Variants in CP observed in about 807,000 individuals in gnomAD.
CP encodes caeruloplasmin.
In CP, 64 loss-of-function variants were observed where a neutral mutation model predicts 122.4. The observed-to-expected ratio is 0.52, with a 90% CI of 0.43 to 0.64. CP has a LOEUF of 0.64. Among genes scored for constraint, CP ranks in the 30% least tolerant of loss-of-function variants. The pLI, the probability that CP is intolerant of heterozygous loss-of-function variation, is 0.00. For missense variants in CP, 1,167 were observed against 1,284.4 expected, an observed-to-expected ratio of 0.91 and a Z score of 1.40; for synonymous variants, 440 against 436.4, an observed-to-expected ratio of 1.01 and a Z score of -0.10.
intron 9 of CP, among the ~76,000 whole-genome samples, chr3:149,193,262 G>T (rs181027346): frequency 1.0e-3 from 153 of 152,206 alleles, no homozygotes; most frequent in Middle Eastern, 3.4e-3. Context: ...GTAAAAATGG[G>T]CATATCCTAC....
chr3:149,171,624 A>T (rs35038037), downstream of CP, among the ~76,000 whole-genome samples: 1 of 152,130 alleles, frequency 6.6e-6, no homozygotes, highest in Non-Finnish European at 1.5e-5. Flanking sequence ...AGTTACAACC[A>T]TAAAGAAGCC....
At chr3:149,206,056 G>C in intron 6 of CP, 112 bp downstream of exon 6, 1 of 929,654 alleles carries the variant, frequency 1.1e-6, no homozygotes, top group Non-Finnish European at 1.7e-6. Flanking sequence ...TAGCAGTCTA[G>C]TTACTCAATT....
downstream of CP, chr3:149,172,123 A>G (rs1576718570): frequency 1.2e-6 from 2 of 1,613,074 alleles, no homozygotes; most frequent in Non-Finnish European, 1.7e-6. Flanking sequence ...CTGTGGAACT[A>G]GAACTGAAGG....
At chr3:149,162,699 G>A (rs1723995967) in exon 6 of CP, 1 of 1,613,822 alleles carries the variant, frequency 6.2e-7, no homozygotes, top group Non-Finnish European at 8.5e-7. Flanking sequence ...GGTGCTTTGT[G>A]CTAAGGATGA....
chr3:149,163,435 A>G (rs1724089877), intron 5 of CP, among the ~76,000 whole-genome samples: 1 of 152,192 alleles, frequency 6.6e-6, no homozygotes. Context: ...TGGAGGGTTA[A>G]GTGGAGAAGT....
chr3:149,200,181 G>C (rs963503334), intron 7 of CP: 1 of 383,794 alleles, frequency 2.6e-6, no homozygotes, highest in Non-Finnish European at 5.0e-6. Flanking sequence ...TCTTCTGTTG[G>C]CTGGAGGTGT....
At chr3:149,186,455 T>C in intron 11 of CP, 65 bp downstream of exon 11, 1 of 1,462,924 alleles carries the variant, frequency 6.8e-7, no homozygotes, top group South Asian at 1.2e-5. Flanking sequence ...CACATTCTGC[T>C]ACAGGATTTT....
At chr3:149,170,949 A>AT (rs1007773990), downstream of CP, among the ~76,000 whole-genome samples, 5 of 151,866 alleles carry the variant, frequency 3.3e-5, no homozygotes, top group Admixed American at 3.3e-4. Context: ...ATAAAGTTGC[A>AT]TTTTTTTTAA....
chr3:149,201,941 T>C (rs932505840), intron 7 of CP, among the ~76,000 whole-genome samples, 161 bp downstream of exon 7: 1 of 152,216 alleles, frequency 6.6e-6, no homozygotes, highest in African/African-American at 2.4e-5. Flanking sequence ...GTAATTTACA[T>C]TTGGAAAAGT....
At chr3:149,178,229 A>T (rs1725546062) in intron 16 of CP, among the ~76,000 whole-genome samples, 186 bp downstream of exon 16, 1 of 152,222 alleles carries the variant, frequency 6.6e-6, no homozygotes, top group Non-Finnish European at 1.5e-5. Context: ...GAATTGGAAA[A>T]TAAATTAGCA....
At chr3:149,200,443 TAA>T (rs1363766690) in intron 7 of CP, among the ~76,000 whole-genome samples, 1 of 152,220 alleles carries the variant, frequency 6.6e-6, no homozygotes, top group African/African-American at 2.4e-5. Context: ...ATACCAACTT[TAA>T]TAACTATTGT....
At chr3:149,178,989 T>G (rs1725606711) in intron 15 of CP, among the ~76,000 whole-genome samples, 1 of 152,116 alleles carries the variant, frequency 6.6e-6, no homozygotes, top group Non-Finnish European at 1.5e-5. Flanking sequence ...TCCCTAAAAA[T>G]CCATAGATGA....
chr3:149,178,123 ACT>A (rs1725538700), intron 16 of CP, 144 bp from the exon 17 acceptor site: 1 of 805,770 alleles, frequency 1.2e-6, no homozygotes, highest in Non-Finnish European at 2.0e-6. Context: ...AGAAATGGAT[ACT>A]TTAAAGTCAA....
At chr3:149,192,910 C>A (rs1024980397) in intron 9 of CP, among the ~76,000 whole-genome samples, 1 of 151,912 alleles carries the variant, frequency 6.6e-6, no homozygotes, top group Non-Finnish European at 1.5e-5. Flanking sequence ...CTCTCCTACA[C>A]TTTACGCAGT....
intron 9 of CP, among the ~76,000 whole-genome samples, chr3:149,189,622 T>A (rs1726415930): frequency 6.6e-6 from 1 of 150,788 alleles, no homozygotes; most frequent in South Asian, 2.1e-4. Context: ...GTATAATAAA[T>A]GCCAGAAGAA....
rs1725132352 is a variant in CP, at chr3:149,172,771, G to A, written c.*943C>T. The A allele has an allele frequency of 2.6e-5, 4 of 152,800 alleles. No homozygotes were observed. Among genetic ancestry groups the A allele is most frequent in the Admixed American group, 2.6e-4 (4 of 15,288 alleles). 9.5% of individuals were successfully genotyped at this position (152,800 alleles called of 1,614,324 possible). ...TCTTGTTACTTTTAAGAAAACTCAT[G>A]CTCTGTTTCTCTGAATCAAATGAAG... On this transcript the variant is annotated 3_prime_UTR_variant, in exon 19 of 19. Transcript: ENST00000264613.
At chr3:149,216,796 A>G (rs1209814104) in intron 1 of CP, among the ~76,000 whole-genome samples, 1 of 152,142 alleles carries the variant, frequency 6.6e-6, no homozygotes, top group Admixed American at 6.5e-5. Flanking sequence ...ACTTGATAAT[A>G]AATGGAATTT....
At chr3:149,198,706 C>T in intron 8 of CP, 128 bp from the exon 9 acceptor site, 1 of 790,374 alleles carries the variant, frequency 1.3e-6, no homozygotes, top group Non-Finnish European at 2.2e-6. Context: ...AGAATGGAAT[C>T]CCACTTATGC....
chr3:149,220,372 A>G (rs747726430), intron 1 of CP, among the ~76,000 whole-genome samples: 9 of 152,132 alleles, frequency 5.9e-5, no homozygotes, highest in East Asian at 1.9e-4. Flanking sequence ...TAAAAACCAC[A>G]TATAATTTAT....
Sources: allele counts gnomAD v4.1 joint callset (sites outside exome capture counted in the v4.1 genomes callset), GRCh38; gene constraint gnomAD v4.1.1; transcripts MANE v1.5; gene names NCBI Gene and HGNC (gene_info 2026-07-23, HGNC 2026-07-21).